The following TTLL11 variants were observed in gnomAD, a reference collection of about 807,000 sequenced individuals.
The protein encoded by TTLL11 is tubulin tyrosine ligase like 11, also known as tubulin polyglutamylase TTLL11.
TTLL11 carries 42 observed loss-of-function variants against 51.7 expected under a neutral mutation model. That is an observed-to-expected ratio of 0.81 (90% CI 0.64 to 1.05). TTLL11 has a LOEUF of 1.05. Among genes scored for constraint, TTLL11 ranks in the 50% least tolerant of loss-of-function variants. TTLL11 has a pLI of 0.00. For synonymous variants in TTLL11, 381 were observed against 383.5 expected (o/e 0.99, Z 0.08); for missense variants, 799 against 940.4 (o/e 0.85, Z 1.97).
intron 8 of TTLL11, among the ~76,000 whole-genome samples, chr9:121,850,826 A>G (rs4308811): frequency 0.27 from 41,351 of 152,060 alleles, 5,913 homozygotes; most frequent in South Asian, 0.38. Context: ...ATACAATCCA[A>G]CCATCACGTC....
chr9:121,916,403 G>A (rs956424255), intron 6 of TTLL11, among the ~76,000 whole-genome samples: 2 of 152,100 alleles, frequency 1.3e-5, no homozygotes, highest in East Asian at 1.9e-4. Flanking sequence ...AGTGAGGCTG[G>A]GGTTGAGGGA....
intron 6 of TTLL11, among the ~76,000 whole-genome samples, chr9:121,920,741 G>C (rs1181413519): frequency 1.3e-5 from 2 of 152,132 alleles, no homozygotes; most frequent in Non-Finnish European, 2.9e-5. Context: ...AGGACAATTG[G>C]ATAAGACTCT....
intron 2 of TTLL11, among the ~76,000 whole-genome samples, chr9:122,033,981 G>A (rs550246262): frequency 6.6e-6 from 1 of 152,256 alleles, no homozygotes; most frequent in East Asian, 1.9e-4. Flanking sequence ...AGAGCTGACC[G>A]CAAAGTAAAC....
At chr9:121,906,345 A>T (rs199939257) in intron 6 of TTLL11, among the ~76,000 whole-genome samples, 2,236 of 17,556 alleles carry the variant, frequency 0.13, 26 homozygotes, top group African/African-American at 0.16. Flanking sequence ...AATAATTTTT[A>T]AAAAAAAAAA....
chr9:121,863,996 A>T (rs1480643737), intron 7 of TTLL11, among the ~76,000 whole-genome samples: 4 of 152,218 alleles, frequency 2.6e-5, no homozygotes, highest in African/African-American at 9.6e-5. Flanking sequence ...GAGCCTCTAA[A>T]GCACTCCTGT....
intron 3 of TTLL11, among the ~76,000 whole-genome samples, chr9:122,012,313 G>A (rs553454091): frequency 6.6e-6 from 1 of 152,004 alleles, no homozygotes; most frequent in Non-Finnish European, 1.5e-5. Flanking sequence ...AAAATTGAAG[G>A]GTGAAAGATG....
intron 8 of TTLL11, among the ~76,000 whole-genome samples, chr9:121,832,772 T>A (rs1837058997): frequency 6.6e-6 from 1 of 152,146 alleles, no homozygotes; most frequent in South Asian, 2.1e-4. Context: ...AAACCCTGTC[T>A]CTACTAAAAA....
chr9:121,931,207 G>A (rs760060964), intron 6 of TTLL11, among the ~76,000 whole-genome samples: 1 of 152,218 alleles, frequency 6.6e-6, no homozygotes, highest in African/African-American at 2.4e-5. Flanking sequence ...ACACCGAAGC[G>A]CTGGGTAATG....
intron 1 of TTLL11, among the ~76,000 whole-genome samples, chr9:122,071,127 T>C (rs1489844550): frequency 6.6e-6 from 1 of 152,170 alleles, no homozygotes; most frequent in Non-Finnish European, 1.5e-5. Flanking sequence ...ATCCAGTGCC[T>C]GGCTTAGAGT....
chr9:121,822,633 G>A lies in TTLL11; in HGVS notation c.2087C>T (p.Thr696Ile), dbSNP rs1254007492. ...ATGGGAGAGCTTATTGGCACAGCTG[G>A]TGCGGGGTGGGGGGTTGTCCCCTGC... ...QPAGDNPPPRTSCANKLSHPR... is the reference protein window; with the variant it reads ...QPAGDNPPPRISCANKLSHPR... The change falls in exon 9 of 9, where the codon ACC (threonine) becomes ATC (isoleucine). Residue 696 changes from threonine to isoleucine, a missense_variant. Around this residue, in one of 3 missense-constraint regions of TTLL11, gnomAD observed 165 missense variants for 166.1 expected, o/e 0.99. Transcript: ENST00000321582. This position sits in a 1 kb window ranked among gnomAD's most constrained non-coding sequence, Gnocchi z 5.8. The A allele has an allele frequency of 1.3e-5, 19 of 1,503,124 alleles. No homozygotes were observed. The highest frequency in any genetic ancestry group is 7.0e-5 in the African/African-American group (5 of 71,522). The allele number at this position is 1,503,124 out of a possible 1,614,324, so 93.1% of individuals were successfully genotyped here.
intron 1 of TTLL11, among the ~76,000 whole-genome samples, chr9:122,079,945 T>C (rs1406309384): frequency 6.6e-6 from 1 of 151,872 alleles, no homozygotes; most frequent in Non-Finnish European, 1.5e-5. Flanking sequence ...CCGGGCAACA[T>C]AGTGAGACAC....
chr9:121,959,926 T>C (rs1842162742), intron 6 of TTLL11, among the ~76,000 whole-genome samples: 1 of 151,902 alleles, frequency 6.6e-6, no homozygotes, highest in South Asian at 2.1e-4. Flanking sequence ...TTTTCAAATA[T>C]CACACATATA....
chr9:122,005,206 G>C (rs533908162), intron 3 of TTLL11, among the ~76,000 whole-genome samples: 2 of 152,298 alleles, frequency 1.3e-5, no homozygotes, highest in South Asian at 2.1e-4. Context: ...TCATCTGTCC[G>C]GGTGCGGAGG....
At chr9:121,950,216 G>A (rs1004053108) in intron 6 of TTLL11, among the ~76,000 whole-genome samples, 6 of 151,964 alleles carry the variant, frequency 3.9e-5, no homozygotes, top group South Asian at 2.1e-4. Flanking sequence ...CCGTATCACC[G>A]CACTCCTCAA....
intron 6 of TTLL11, among the ~76,000 whole-genome samples, chr9:121,878,816 G>A (rs1838666201): frequency 6.6e-6 from 1 of 152,204 alleles, no homozygotes; most frequent in Non-Finnish European, 1.5e-5. Flanking sequence ...CTTGCCCACT[G>A]GGCCTGCAGC....
At chr9:121,934,264 A>AAATAAATCAATC (rs1424864629) in intron 6 of TTLL11, among the ~76,000 whole-genome samples, 1 of 151,878 alleles carries the variant, frequency 6.6e-6, no homozygotes, top group African/African-American at 2.4e-5. Context: ...ATAAATAAAT[A>AAATAAATCAATC]AATCCATTCG....
At chr9:121,970,955 C>T (rs1427837768) in intron 6 of TTLL11, among the ~76,000 whole-genome samples, 2 of 152,208 alleles carry the variant, frequency 1.3e-5, no homozygotes, top group African/African-American at 4.8e-5. Flanking sequence ...AAAGCAAATG[C>T]CCATCAATGA....
Position 121,985,762 on chromosome 9 carries a change from C to T in TTLL11, c.1269+3433G>A, listed in dbSNP as rs143071833. On this transcript the variant is annotated intron_variant, in intron 4 of 8. Coordinates refer to ENST00000321582, the MANE Select transcript of TTLL11 (RefSeq NM_001139442.2). Reference sequence around the variant, plus strand: ...GACTCGATCTCCTGACCTCGTGATCCGCCTGCCTCGGCCTCCCAAAGTGCT... The same window carrying T: ...GACTCGATCTCCTGACCTCGTGATCTGCCTGCCTCGGCCTCCCAAAGTGCT... Among the ~76,000 whole-genome samples the T allele has an allele frequency of 3.2e-3, 482 of 152,072 alleles. 3 individuals carry two copies. The highest frequency in any genetic ancestry group is 4.7e-3 in the African/African-American group (197 of 41,488).
At chr9:121,860,307 C>G (rs1191419035) in intron 8 of TTLL11, 30 bp downstream of exon 8, 2 of 1,524,982 alleles carry the variant, frequency 1.3e-6, no homozygotes, top group African/African-American at 2.8e-5. Flanking sequence ...AGGACCCCCA[C>G]AGGCCATGGC....
Sources: gnomAD v4.1 joint callset for allele counts (sites outside exome capture counted in the v4.1 genomes callset) on GRCh38, gnomAD v4.1.1 for gene constraint, gnomAD v4.1.1 regional missense constraint, Gnocchi (gnomAD v3.1) non-coding constraint, MANE v1.5 for transcripts, NCBI Gene and HGNC (gene_info 2026-07-23, HGNC 2026-07-21) for gene names.